TRHDE: variants seen among roughly 807,000 people sequenced by gnomAD.
TRHDE encodes thyrotropin releasing hormone degrading enzyme, also known as thyrotropin-releasing hormone-degrading ectoenzyme.
Under a neutral mutation model 125.7 loss-of-function variants are expected in TRHDE, and 72 were observed. The observed-to-expected ratio is 0.57, with a 90% CI of 0.47 to 0.70. The LOEUF (loss-of-function observed/expected upper bound fraction) is 0.70, where lower values mean the gene tolerates loss of function less well. TRHDE is among the 30% of genes least tolerant of loss of function. The pLI is 0.00. For missense variants in TRHDE, 1,110 were observed against 1,327.1 expected, an observed-to-expected ratio of 0.84 and a Z score of 2.54; for synonymous variants, 509 against 509.1, an observed-to-expected ratio of 1.00 and a Z score of 0.00.
chr12:72,670,010 CT>C lies in TRHDE; in HGVS notation c.*6818del, dbSNP rs1383676720. ...TCTATCTTTGAGCTTTCATAATTGG[CT>C]TTCTGGACACCACTGAGTTTATTAG... On this transcript the variant is annotated 3_prime_UTR_variant, in exon 19 of 19. Coordinates refer to ENST00000261180, the MANE Select transcript of TRHDE (RefSeq NM_013381.3). The C allele has an allele frequency of 6.6e-6, 1 of 151,664 alleles. No individual in the cohort carries two copies. Among genetic ancestry groups the C allele is most frequent in the Non-Finnish European group, 1.5e-5 (1 of 67,760 alleles). The allele number at this position is 151,664 out of a possible 1,614,324, so 9.4% of individuals were successfully genotyped here. A position where few individuals can be genotyped will look rare whatever the true frequency, so the allele number is the denominator to read the frequency against.
At chr12:72,656,881 A>T (rs768938513) in intron 17 of TRHDE, 46 bp from the exon 18 acceptor site, 2 of 1,293,590 alleles carry the variant, frequency 1.5e-6, no homozygotes, top group Non-Finnish European at 2.2e-6. Context: ...AATATTTTTT[A>T]AAATTATGAC....
rs948900502 is a variant in TRHDE, at chr12:72,187,506, TGGAGGAGGA to T, written n.279+81776_279+81784del. On this transcript the variant is annotated intron_variant and non_coding_transcript_variant, in intron 2 of 4. Transcript: ENST00000548156. ...GTGGTGGTGGTGGTGGTGGTGGTGG[TGGAGGAGGA>T]GGAGGAGGAGGAGGAGGAGGATGGG... Among the ~76,000 whole-genome samples the T allele has an allele frequency of 1.8e-4, 24 of 132,368 alleles. 1 individual carries two copies. Among genetic ancestry groups the T allele is most frequent in the Non-Finnish European group, 2.7e-4 (17 of 62,208 alleles). The allele number at this position is 132,368 out of a possible 152,430, so 86.8% of individuals were successfully genotyped here.
intron 7 of TRHDE, among the ~76,000 whole-genome samples, chr12:72,558,068 C>T (rs1368153864): frequency 2.0e-5 from 3 of 151,202 alleles, no homozygotes; most frequent in Non-Finnish European, 2.9e-5. Flanking sequence ...AGAGAAAGCA[C>T]CTATTGTGTA....
chr12:72,597,747 ATATATATATATG>A (rs1565804793), intron 12 of TRHDE, among the ~76,000 whole-genome samples: 1,816 of 12,802 alleles, frequency 0.14, 145 homozygotes, highest in South Asian at 0.38. Flanking sequence ...ATATATATAT[ATATATATATATG>A]CATACACACA....
rs549138504 is a variant in TRHDE, at chr12:72,457,518, A to T, written c.1316-12240A>T. On this transcript the variant is annotated intron_variant, in intron 3 of 18. Transcript: ENST00000261180. ...ATATTAAGTAATACTACGCACTGCA[A>T]TAAGTGATTTAAAAAATTAAGCAAC... 1.2e-4 allele frequency among the ~76,000 whole-genome samples: 19 copies of T among 152,230 alleles called. No individual in the cohort carries two copies. The South Asian group carries it at 3.9e-3, about 32-fold the overall frequency.
chr12:72,186,063 G>A (rs1167069909), intron 2 of TRHDE: 1 of 152,342 alleles, frequency 6.6e-6, no homozygotes, highest in Non-Finnish European at 1.5e-5. Context: ...GAGAATAAAA[G>A]TAGGCTGCCG....
chr12:72,238,383 T>G (rs10784956), intron 2 of TRHDE, among the ~76,000 whole-genome samples: 1 of 52,488 alleles, frequency 1.9e-5, no homozygotes, highest in Non-Finnish European at 4.2e-5. Context: ...ATATATATAT[T>G]TTTTTTTAAC....
At chr12:72,383,524 G>A (rs1872279324) in intron 3 of TRHDE, among the ~76,000 whole-genome samples, 1 of 151,574 alleles carries the variant, frequency 6.6e-6, no homozygotes, top group Non-Finnish European at 1.5e-5. Context: ...CTATAGGCAT[G>A]TGCCACCACA....
At chr12:72,350,318 A>T (rs1199565944) in intron 2 of TRHDE, among the ~76,000 whole-genome samples, 2 of 152,028 alleles carry the variant, frequency 1.3e-5, no homozygotes, top group Non-Finnish European at 2.9e-5. Context: ...GCAAAGTAGG[A>T]AACATAACCA....
At chr12:72,354,113 T>G (rs537966293) in intron 2 of TRHDE, among the ~76,000 whole-genome samples, 1 of 151,676 alleles carries the variant, frequency 6.6e-6, no homozygotes, top group South Asian at 2.1e-4. Context: ...TTCACTAGAT[T>G]TTACATGTAG....
chr12:72,125,997 A>G (rs1875703986), intron 2 of TRHDE, among the ~76,000 whole-genome samples: 1 of 152,194 alleles, frequency 6.6e-6, no homozygotes, highest in African/African-American at 2.4e-5. Flanking sequence ...AAAACAAAAC[A>G]AAACAAAACA....
intron 12 of TRHDE, among the ~76,000 whole-genome samples, chr12:72,576,641 T>A (rs889791121): frequency 6.6e-6 from 1 of 151,902 alleles, no homozygotes; most frequent in Admixed American, 6.6e-5. Context: ...AAGGAAAAAA[T>A]TTCAGGTGCT....
rs150636148 is a variant in TRHDE, at chr12:72,418,985, T to C, written c.1315+40864T>C. The stretch of plus-strand genomic sequence containing the variant: ...GATAAGCAGAAGTTACTTTATTTTC[T>C]TGGGATATAGAATGAGTAGTAGTAC... On this transcript the variant is annotated intron_variant, in intron 3 of 18. Transcript: ENST00000261180. Among the ~76,000 whole-genome samples the C allele has an allele frequency of 6.0e-3, 911 of 152,244 alleles. 5 individuals carry two copies. The highest frequency in any genetic ancestry group is 0.011 in the Admixed American group (165 of 15,278).
chr12:72,566,463 G>C (rs971861913), intron 9 of TRHDE, among the ~76,000 whole-genome samples: 3 of 151,042 alleles, frequency 2.0e-5, no homozygotes, highest in African/African-American at 7.4e-5. Flanking sequence ...TGACATTTAG[G>C]AAGTGCTGTA....
intron 2 of TRHDE, among the ~76,000 whole-genome samples, chr12:72,131,213 A>G (rs1440805431): frequency 1.3e-5 from 2 of 151,402 alleles, no homozygotes; most frequent in East Asian, 3.9e-4. Context: ...CTGGGACTAC[A>G]GGCGCCCGCC....
intron 6 of TRHDE, among the ~76,000 whole-genome samples, chr12:72,535,054 A>G (rs1238225947): frequency 6.6e-6 from 1 of 152,058 alleles, no homozygotes; most frequent in Non-Finnish European, 1.5e-5. Flanking sequence ...CTAACATAAA[A>G]ATGATGATAG....
intron 2 of TRHDE, among the ~76,000 whole-genome samples, chr12:72,237,323 C>T (rs1878354795): frequency 6.6e-6 from 1 of 151,990 alleles, no homozygotes; most frequent in African/African-American, 2.4e-5. Flanking sequence ...TTTATTAAAG[C>T]AAAGTAAATT....
At chr12:72,229,362 T>G (rs1211659037) in intron 2 of TRHDE, among the ~76,000 whole-genome samples, 1 of 152,160 alleles carries the variant, frequency 6.6e-6, no homozygotes, top group Non-Finnish European at 1.5e-5. Flanking sequence ...CTCATGAGAC[T>G]TATTCACTAT....
intron 3 of TRHDE, among the ~76,000 whole-genome samples, chr12:72,381,961 C>T (rs1413235361): frequency 6.6e-6 from 1 of 152,014 alleles, no homozygotes. Context: ...GTACATTTGC[C>T]AGAATATTAT....
Sources: allele counts gnomAD v4.1 joint callset (sites outside exome capture counted in the v4.1 genomes callset), GRCh38; gene constraint gnomAD v4.1.1; transcripts MANE v1.5; gene names NCBI Gene and HGNC (gene_info 2026-07-23, HGNC 2026-07-21).